The following CCDC170 variants were observed in gnomAD, a reference collection of about 807,000 sequenced individuals.
The protein encoded by CCDC170 is coiled-coil domain-containing protein 170.
A neutral mutation model predicts 72.6 loss-of-function variants in CCDC170; 69 were observed. The ratio of observed to expected loss-of-function variants is 0.95; its 90% CI spans 0.78 to 1.16. CCDC170 has a LOEUF of 1.16. CCDC170 is among the 50% of genes most tolerant of loss of function. CCDC170 has a pLI of 0.00. For missense variants in CCDC170, 852 were observed against 832.5 expected (o/e 1.02, Z -0.29); for synonymous variants, 300 against 303.9 (o/e 0.99, Z 0.13).
chr6:151,513,678 G>A, intron 1 of CCDC170, among the ~76,000 whole-genome samples: 1 of 150,096 alleles, frequency 6.7e-6, no homozygotes, highest in Non-Finnish European at 1.5e-5. Context: ...AGCACTTTGG[G>A]AGGCTGAGGT....
At chr6:151,548,894 G>A (rs532684052) in intron 5 of CCDC170, among the ~76,000 whole-genome samples, 2 of 91,404 alleles carry the variant, frequency 2.2e-5, no homozygotes, top group Non-Finnish European at 5.5e-5. Context: ...TAGTTTTTTT[G>A]TTTGTTTGTT....
At chr6:151,503,910 G>A (rs969239441) in intron 1 of CCDC170, among the ~76,000 whole-genome samples, 1 of 152,086 alleles carries the variant, frequency 6.6e-6, no homozygotes. Flanking sequence ...CCTTGTGCCA[G>A]AAGACAAAAA....
chr6:151,599,491 C>T (rs1776672714), intron 9 of CCDC170, among the ~76,000 whole-genome samples: 1 of 152,094 alleles, frequency 6.6e-6, no homozygotes, highest in South Asian at 2.1e-4. Context: ...GCTGCTGATG[C>T]CTTGACAATG....
At chr6:151,536,787 A>G (rs1355057243) in intron 2 of CCDC170, among the ~76,000 whole-genome samples, 1 of 149,962 alleles carries the variant, frequency 6.7e-6, no homozygotes, top group Middle Eastern at 3.2e-3. Context: ...AAAAAAAAAA[A>G]AAAAAAAAAA....
chr6:151,529,536 A>G (rs140729411), intron 1 of CCDC170, among the ~76,000 whole-genome samples: 3 of 152,150 alleles, frequency 2.0e-5, no homozygotes, highest in Non-Finnish European at 4.4e-5. Context: ...GCATGCCTGT[A>G]GTCTCAGCTA....
rs149763464 is a variant in CCDC170 at position 151,555,035 on chromosome 6, C to T, written c.774+6546C>T. 5.1e-3 allele frequency among the ~76,000 whole-genome samples: 768 copies of T among 151,688 alleles called. 6 individuals carry two copies. The highest frequency in any genetic ancestry group is 0.017 in the African/African-American group (717 of 41,362). On this transcript the variant is annotated intron_variant, in intron 5 of 10. Transcript: ENST00000239374. Reference sequence around the variant, plus strand: ...CTGGGACTACAGGCACCTACTACCACGCCCAGCTAATTTTTGTATTGTTAG... The same window carrying T: ...CTGGGACTACAGGCACCTACTACCATGCCCAGCTAATTTTTGTATTGTTAG...
Position 151,618,161 on chromosome 6 carries a change from TGA to T in CCDC170, c.*20_*21del. On this transcript the variant is annotated 3_prime_UTR_variant, in exon 11 of 11. Transcript: ENST00000239374. ...CTTCTTCATTGAACACTGTATCTCTTGAGAGAGGTGGCCATAAGACATGGCAC... is the reference window on the plus strand; with the variant it reads ...CTTCTTCATTGAACACTGTATCTCTTGAGAGGTGGCCATAAGACATGGCAC... The T allele has an allele frequency of 6.2e-7, 1 of 1,606,122 alleles. No individual in the cohort carries two copies. The highest frequency in any genetic ancestry group is 8.5e-7 in the Non-Finnish European group (1 of 1,173,948).
intron 8 of CCDC170, 59 bp downstream of exon 8, chr6:151,593,339 T>TTATTC (rs1186527834): frequency 1.4e-5 from 22 of 1,553,578 alleles, no homozygotes; most frequent in Non-Finnish European, 1.8e-5. Context: ...AACCCAAACA[T>TTATTC]TGAAAAATAA....
intron 6 of CCDC170, among the ~76,000 whole-genome samples, chr6:151,574,888 T>TG (rs909418380): frequency 2.6e-5 from 4 of 152,252 alleles, no homozygotes; most frequent in African/African-American, 9.6e-5. Flanking sequence ...TAACTATTGC[T>TG]GCTGTTGCCT....
At chr6:151,594,763 T>C (rs1776595720) in intron 8 of CCDC170, among the ~76,000 whole-genome samples, 1 of 152,092 alleles carries the variant, frequency 6.6e-6, no homozygotes, top group Non-Finnish European at 1.5e-5. Flanking sequence ...GTGATTCTCC[T>C]GCCTCAGCCT....
chr6:151,527,506 G>A (rs1370082019), intron 1 of CCDC170, among the ~76,000 whole-genome samples: 1 of 152,146 alleles, frequency 6.6e-6, no homozygotes, highest in Non-Finnish European at 1.5e-5. Context: ...GTCAAAAATT[G>A]ACAGGATGAA....
chr6:151,525,738 G>T (rs1325126335), intron 1 of CCDC170, among the ~76,000 whole-genome samples: 1 of 152,164 alleles, frequency 6.6e-6, no homozygotes, highest in Non-Finnish European at 1.5e-5. Context: ...AGCCTGTTGG[G>T]TGGTCTCTTC....
At chr6:151,600,105 A>G (rs1338408448) in intron 9 of CCDC170, among the ~76,000 whole-genome samples, 1 of 152,224 alleles carries the variant, frequency 6.6e-6, no homozygotes, top group African/African-American at 2.4e-5. Flanking sequence ...CTAACTTGTT[A>G]ACACAGTAAG....
chr6:151,562,770 G>A (rs1328135870), intron 5 of CCDC170, among the ~76,000 whole-genome samples: 2 of 152,198 alleles, frequency 1.3e-5, no homozygotes, highest in Non-Finnish European at 2.9e-5. Flanking sequence ...CTGGCAGGTA[G>A]GCTGATGTCC....
At chr6:151,573,936 C>G (rs996309942) in intron 6 of CCDC170, among the ~76,000 whole-genome samples, 3 of 152,214 alleles carry the variant, frequency 2.0e-5, no homozygotes, top group African/African-American at 7.2e-5. Context: ...AGTGACTTAT[C>G]TCAATTAGCT....
At position 151,620,356 on chromosome 6, in the gene CCDC170, C is replaced by A. The variant is rs1180519468; in HGVS notation, c.*2209C>A. 6.6e-6 allele frequency: 1 copy of A among 152,196 alleles called. No individual in the cohort carries two copies. The highest frequency in any genetic ancestry group is 1.5e-5 in the Non-Finnish European group (1 of 68,058). The allele number at this position is 152,196 out of a possible 1,614,324, so 9.4% of individuals were successfully genotyped here. On this transcript the variant is annotated 3_prime_UTR_variant, in exon 11 of 11. Transcript: ENST00000239374. ...CCTGCCTAGCTATCTCCTTCATGTG[C>A]AAGGACAGTATAAGTAGTATTTTGC...
intron 9 of CCDC170, among the ~76,000 whole-genome samples, chr6:151,612,635 G>A (rs1776892093): frequency 6.6e-6 from 1 of 151,936 alleles, no homozygotes. Flanking sequence ...GTGTAGGTCA[G>A]TTTAGCCTCC....
At chr6:151,590,005 A>G (rs141824975) in intron 7 of CCDC170, among the ~76,000 whole-genome samples, 9 of 152,020 alleles carry the variant, frequency 5.9e-5, no homozygotes, top group Middle Eastern at 3.4e-3. Flanking sequence ...TGCCTCCTAC[A>G]TTGCCCACTG....
chr6:151,510,206 T>G (rs568754400), intron 1 of CCDC170, among the ~76,000 whole-genome samples: 4 of 152,338 alleles, frequency 2.6e-5, no homozygotes, highest in African/African-American at 9.6e-5. Flanking sequence ...CAGAAAGTCT[T>G]GGTTTGAATT....
Sources: gnomAD v4.1 joint callset for allele counts (sites outside exome capture counted in the v4.1 genomes callset) on GRCh38, gnomAD v4.1.1 for gene constraint, MANE v1.5 for transcripts, NCBI Gene and HGNC (gene_info 2026-07-23, HGNC 2026-07-21) for gene names.